Variants in LMTK3 observed in about 807,000 individuals in gnomAD.
LMTK3 encodes lemur tail kinase 3.
Under a neutral mutation model 116.7 loss-of-function variants are expected in LMTK3, and 27 were observed. That is an observed-to-expected ratio of 0.23 (90% CI 0.17 to 0.32). LMTK3 has a LOEUF of 0.32. Among genes scored for constraint, LMTK3 ranks in the 10% least tolerant of loss-of-function variants. The pLI is 1.00. For synonymous variants in LMTK3, 965 were observed against 971.0 expected, an observed-to-expected ratio of 0.99 and a Z score of 0.11; for missense variants, 1,764 against 2,068.5, an observed-to-expected ratio of 0.85 and a Z score of 2.86.
intron 1 of LMTK3, among the ~76,000 whole-genome samples, chr19:48,510,798 C>T (rs1418754205): frequency 6.6e-6 from 1 of 152,198 alleles, no homozygotes; most frequent in Non-Finnish European, 1.5e-5. Context: ...GGTGGGGTCT[C>T]TCTTCTCGTC....
Position 48,505,103 on chromosome 19 carries a change from CT to C in LMTK3, c.558-2108del, listed in dbSNP as rs33927563. On this transcript the variant is annotated intron_variant, in intron 5 of 14. Transcript: ENST00000600059. The stretch of plus-strand genomic sequence containing the variant: ...AGTTTCTCTCTCTCTCTCTCTCTCT[CT>C]TTTTTTTTTTTTTTTTTTTTTTTTT... 8.6e-3 allele frequency among the ~76,000 whole-genome samples: 478 copies of C among 55,520 alleles called. 1 individual carries two copies. Among genetic ancestry groups the C allele is most frequent in the Middle Eastern group, 0.05 (3 of 60 alleles). The allele number at this position is 55,520 out of a possible 152,430, so 36.4% of individuals were successfully genotyped here.
intron 14 of LMTK3, 39 bp from the exon 15 acceptor site, chr19:48,485,828 A>C (rs1972113467): frequency 1.3e-6 from 2 of 1,593,206 alleles, no homozygotes; most frequent in Non-Finnish European, 1.7e-6. Flanking sequence ...TGAAATTACT[A>C]GGGGGACAGC....
chr19:48,499,422 A>G lies in LMTK3; in HGVS notation c.1647T>C (p.Pro549=). Reference sequence around the variant, plus strand: ...CCCAGTCGTTGGGGAAGAGGGGCTCAGGAGGGGAGCCGTGCTCCTCCAAGC... The same window carrying G: ...CCCAGTCGTTGGGGAAGAGGGGCTCGGGAGGGGAGCCGTGCTCCTCCAAGC... ...YIRLEEHGSP[P]EPLFPNDWDP... is the part of the protein sequence containing the mutation. The change falls in exon 11 of 15, where the codon CCT becomes CCC. Residue 549 remains proline (P), a synonymous_variant. Coordinates refer to ENST00000600059, the MANE Select transcript of LMTK3 (RefSeq NM_001388485.1). 6.9e-7 allele frequency: 1 copy of G among 1,458,202 alleles called. No homozygotes were observed. Among genetic ancestry groups the G allele is most frequent in the Non-Finnish European group, 9.1e-7 (1 of 1,104,864 alleles). 90.3% of individuals were successfully genotyped at this position (1,458,202 alleles called of 1,614,324 possible). A position where few individuals can be genotyped will look rare whatever the true frequency, so the allele number is the denominator to read the frequency against.
Position 48,491,381 on chromosome 19 carries a change from C to T in LMTK3, c.4228+23G>A. 7.3e-7 allele frequency: 1 copy of T among 1,365,906 alleles called. No individual in the cohort carries two copies. Among genetic ancestry groups the T allele is most frequent in the African/African-American group, 1.5e-5 (1 of 65,260 alleles). The allele number at this position is 1,365,906 out of a possible 1,614,324, so 84.6% of individuals were successfully genotyped here. A position where few individuals can be genotyped will look rare whatever the true frequency, so the allele number is the denominator to read the frequency against. On this transcript the variant is annotated intron_variant, in intron 13 of 14. Transcript: ENST00000600059. The surrounding 1 kb of genome is among the most constrained non-coding windows in gnomAD (Gnocchi z 5.1). ...CCGCCCCATGGCTCCCGCCCCCTCCCGCCCCATAGGGCCCGTCCTCACCAA... is the reference window on the plus strand; with the variant it reads ...CCGCCCCATGGCTCCCGCCCCCTCCTGCCCCATAGGGCCCGTCCTCACCAA...
chr19:48,511,517 C>T lies in LMTK3; in HGVS notation c.60G>A (p.Ala20=), dbSNP rs1355314049. The change falls in exon 1 of 15, where the codon GCG becomes GCA. Residue 20 remains alanine, a synonymous_variant. Transcript: ENST00000600059. ...LAAVSASGCL[A]SPAHPDGFAL... Reference sequence around the variant, plus strand: ...CAGACTCACCGGGGTGGGCCGGGGACGCCAGGCAGCCGGAGGCGGAGACGG... The same window carrying T: ...CAGACTCACCGGGGTGGGCCGGGGATGCCAGGCAGCCGGAGGCGGAGACGG... 2.1e-6 allele frequency: 3 copies of T among 1,396,158 alleles called. No homozygotes were observed. Among genetic ancestry groups the T allele is most frequent in the African/African-American group, 3.0e-5 (2 of 67,508 alleles). 86.5% of individuals were successfully genotyped at this position (1,396,158 alleles called of 1,614,324 possible). A position where few individuals can be genotyped will look rare whatever the true frequency, so the allele number is the denominator to read the frequency against.
intron 14 of LMTK3, among the ~76,000 whole-genome samples, chr19:48,487,709 G>A (rs977315347): frequency 6.6e-6 from 1 of 152,058 alleles, no homozygotes; most frequent in Non-Finnish European, 1.5e-5. Flanking sequence ...AGACCAGAAA[G>A]CTAAGGTCCA....
chr19:48,503,549 TCTC>T (rs1188442088), intron 5 of LMTK3, among the ~76,000 whole-genome samples: 11 of 151,796 alleles, frequency 7.2e-5, no homozygotes, highest in Non-Finnish European at 5.9e-5. Flanking sequence ...TTCTCAGTCT[TCTC>T]CTCCTCGTCC....
At chr19:48,507,405 C>T (rs891271720) in intron 5 of LMTK3, among the ~76,000 whole-genome samples, 4 of 152,134 alleles carry the variant, frequency 2.6e-5, no homozygotes, top group African/African-American at 7.2e-5. Flanking sequence ...CACTTGTGCT[C>T]GGGTAACGAG....
Position 48,511,768 on chromosome 19 carries a change from G to A in LMTK3, c.-192C>T, listed in dbSNP as rs186280955. 1,986 of 226,838 alleles carry A rather than the reference G, an allele frequency of 8.8e-3. 39 individuals carry two copies. Among genetic ancestry groups the A allele is most frequent in the African/African-American group, 0.043 (1,797 of 42,124 alleles). The allele number at this position is 226,838 out of a possible 1,614,324, so 14.1% of individuals were successfully genotyped here. ...GGTACCCCCCTCCCCCTCTTTGAAG[G>A]GACAGACGGATGAAGGGATGGAGAG... On this transcript the variant is annotated 5_prime_UTR_variant, in exon 1 of 15. Coordinates refer to ENST00000600059, the MANE Select transcript of LMTK3 (RefSeq NM_001388485.1).
intron 2 of LMTK3, 39 bp from the exon 3 acceptor site, chr19:48,510,212 G>A (rs768107519): frequency 1.9e-6 from 3 of 1,591,146 alleles, no homozygotes; most frequent in Non-Finnish European, 2.6e-6. Context: ...GGAGAACGCA[G>A]GGCTGAGAGA....
Position 48,493,759 on chromosome 19 carries a change from C to T in LMTK3, c.4027G>A (p.Glu1343Lys). 1 of 1,564,108 alleles carries T rather than the reference C, an allele frequency of 6.4e-7. No homozygotes were observed. The highest frequency in any genetic ancestry group is 8.6e-7 in the Non-Finnish European group (1 of 1,156,306). Reference sequence around the variant, plus strand: ...ACCATCTTGCGCTTCCTCTCCAGCTCGCTGTCCTCTGGCTCGTCGGCCCCG... The same window carrying T: ...ACCATCTTGCGCTTCCTCTCCAGCTTGCTGTCCTCTGGCTCGTCGGCCCCG... Reference protein sequence around the residue: ...PRGADEPEDSELERKRKMVSF... With the variant: ...PRGADEPEDSKLERKRKMVSF... Residue 1343 changes from glutamate to lysine, a missense_variant, in exon 12 of 15, where the codon GAG becomes AAG. By Grantham distance (56) the Glu-to-Lys change is moderately conservative. Transcript: ENST00000600059.
rs756163789 is a variant in LMTK3 at position 48,510,132 on chromosome 19, G to A, written c.252C>T (p.Tyr84=). The A allele has an allele frequency of 1.9e-6, 3 of 1,613,482 alleles. No individual in the cohort carries two copies. The highest frequency in any genetic ancestry group is 2.5e-6 in the Non-Finnish European group (3 of 1,179,576). Residue 84 remains tyrosine, a synonymous_variant, in exon 3 of 15, where the codon TAC becomes TAT. Coordinates refer to ENST00000600059, the MANE Select transcript of LMTK3 (RefSeq NM_001388485.1). ...NPEGEDCSGE[Y]TPPAEETSSS... is the part of the protein sequence containing the mutation. ...AGGAGGTCTCCTCCGCAGGGGGAGT[G>A]TACTCCCCGGAGCAGTCCTCCCCTT...
intron 11 of LMTK3, among the ~76,000 whole-genome samples, chr19:48,495,085 T>C (rs8111432): frequency 0.094 from 14,176 of 151,330 alleles, 1,104 homozygotes; most frequent in Middle Eastern, 0.21. Context: ...TCTCGGCGCA[T>C]TGCAACCTCC....
At chr19:48,490,007 C>CAG (rs10674468) in intron 14 of LMTK3, among the ~76,000 whole-genome samples, 14,113 of 152,152 alleles carry the variant, frequency 0.093, 1,060 homozygotes, top group Middle Eastern at 0.21. Context: ...CCTGCTCTCC[C>CAG]AGAGTGGCCT....
Position 48,485,515 on chromosome 19 carries a change from A to C in LMTK3, c.*258T>G. ...TCAGTTCCGAGAAAGGCGGCTCTCT[A>C]TGGAGGGGCGGGGGGATTCCTGCCT... On this transcript the variant is annotated 3_prime_UTR_variant, in exon 15 of 15. Transcript: ENST00000600059. The C allele has an allele frequency of 1.1e-5, 5 of 447,262 alleles. No homozygotes were observed. Among genetic ancestry groups the C allele is most frequent in the African/African-American group, 2.5e-5 (1 of 40,116 alleles). 27.7% of individuals were successfully genotyped at this position (447,262 alleles called of 1,614,324 possible).
At chr19:48,506,840 AT>A (rs1972579165) in intron 5 of LMTK3, among the ~76,000 whole-genome samples, 1 of 151,988 alleles carries the variant, frequency 6.6e-6, no homozygotes, top group Non-Finnish European at 1.5e-5. Flanking sequence ...TAATGTTTGC[AT>A]TTTTAGTAGA....
Position 48,497,865 on chromosome 19 carries a change from C to T in LMTK3, c.3204G>A (p.Gly1068=), listed in dbSNP as rs919419012. The T allele has an allele frequency of 4.9e-5, 70 of 1,441,574 alleles. No homozygotes were observed. Among genetic ancestry groups the T allele is most frequent in the Non-Finnish European group, 6.2e-5 (68 of 1,101,682 alleles). The allele number at this position is 1,441,574 out of a possible 1,614,324, so 89.3% of individuals were successfully genotyped here. Residue 1068 remains glycine, a synonymous_variant, in exon 11 of 15, where the codon GGG becomes GGA. Transcript: ENST00000600059. This position sits in a 1 kb window ranked among gnomAD's most constrained non-coding sequence, Gnocchi z 5.7. The part of the protein sequence containing the change: ...PSAVVSSRNG[G]ETAPGPLGPA... ...GGCCAAGGGGGCCAGGGGCTGTCTC[C>T]CCGCCGTTCCGGGAGGAGACCACTG...
chr19:48,496,124 G>GT (rs753457988), intron 11 of LMTK3, among the ~76,000 whole-genome samples: 17 of 152,124 alleles, frequency 1.1e-4, no homozygotes, highest in African/African-American at 3.9e-4. Flanking sequence ...GTTTTGTTTT[G>GT]TTTGAGACAG....
intron 14 of LMTK3, among the ~76,000 whole-genome samples, chr19:48,488,492 G>T (rs561157680): frequency 3.2e-4 from 49 of 151,878 alleles, no homozygotes; most frequent in African/African-American, 1.1e-3. Context: ...ATAGTCGTCC[G>T]TGGCTCCCTG....
Sources: allele counts gnomAD v4.1 joint callset (sites outside exome capture counted in the v4.1 genomes callset), GRCh38; gene constraint gnomAD v4.1.1; non-coding constraint Gnocchi (gnomAD v3.1); transcripts MANE v1.5; gene names NCBI Gene and HGNC (gene_info 2026-07-23, HGNC 2026-07-21).